The following GPC6 variants were observed in gnomAD, a reference collection of about 807,000 sequenced individuals.
The protein encoded by GPC6 is glypican 6.
GPC6 carries 14 observed loss-of-function variants against 55.2 expected under a neutral mutation model. The observed-to-expected ratio is 0.25, with a 90% CI of 0.17 to 0.40. The LOEUF (loss-of-function observed/expected upper bound fraction) is 0.40, where lower values mean the gene tolerates loss of function less well. GPC6 is among the 10% of genes least tolerant of loss of function. The pLI, the probability that GPC6 is intolerant of heterozygous loss-of-function variation, is 1.00. For synonymous variants in GPC6, 278 were observed against 259.6 expected, an observed-to-expected ratio of 1.07 and a Z score of -0.68; for missense variants, 641 against 708.5, an observed-to-expected ratio of 0.90 and a Z score of 1.08.
At chr13:93,438,673 A>ATAGAT (rs1877663464) in intron 1 of GPC6, among the ~76,000 whole-genome samples, 1 of 152,190 alleles carries the variant, frequency 6.6e-6, no homozygotes, top group Non-Finnish European at 1.5e-5. Context: ...TTGAGATGGA[A>ATAGAT]TCTACTTCTA....
chr13:93,460,546 TCATAA>T (rs1878638891), intron 1 of GPC6, among the ~76,000 whole-genome samples: 1 of 151,824 alleles, frequency 6.6e-6, no homozygotes, highest in African/African-American at 2.4e-5. Context: ...TGATGAAATA[TCATAA>T]CATAGCACTA....
chr13:94,390,368 A>C (rs1224206717), intron 7 of GPC6, among the ~76,000 whole-genome samples: 4 of 152,224 alleles, frequency 2.6e-5, no homozygotes, highest in African/African-American at 9.6e-5. Flanking sequence ...ATCCGTTCTC[A>C]CACTGCTATA....
At chr13:93,789,842 T>C (rs961395932) in intron 2 of GPC6, among the ~76,000 whole-genome samples, 1 of 150,078 alleles carries the variant, frequency 6.7e-6, no homozygotes, top group Non-Finnish European at 1.5e-5. Context: ...CAAGTGAGAG[T>C]TTGGGTTGTG....
At chr13:93,242,086 C>A (rs923873922) in intron 1 of GPC6, among the ~76,000 whole-genome samples, 1 of 152,022 alleles carries the variant, frequency 6.6e-6, no homozygotes, top group Non-Finnish European at 1.5e-5. Context: ...ACTTTTTTCC[C>A]CAGTATTTTT....
At chr13:94,379,710 G>A (rs150707846) in intron 6 of GPC6, among the ~76,000 whole-genome samples, 10 of 152,254 alleles carry the variant, frequency 6.6e-5, no homozygotes, top group African/African-American at 2.4e-4. Flanking sequence ...TGGTTTACCT[G>A]GGACGTTCCC....
intron 1 of GPC6, among the ~76,000 whole-genome samples, chr13:93,344,753 G>A (rs1880373424): frequency 6.6e-6 from 1 of 152,202 alleles, no homozygotes; most frequent in Non-Finnish European, 1.5e-5. Context: ...GGGACTTTGA[G>A]ATGAATGAGT....
rs1467572246 is a variant in GPC6, at chr13:93,227,155, A to AT, written c.-302_-301insT. ...CTCTGAACCCCCATGGTGGTTTTTT[A>AT]AACACTTCTTTTCCTTCTCTTCCTC... On this transcript the variant is annotated 5_prime_UTR_variant, in exon 1 of 9. The change abolishes the stop of an existing upstream ORF in the 5' untranslated region. Coordinates refer to ENST00000377047, the MANE Select transcript of GPC6 (RefSeq NM_005708.5). This position sits in a 1 kb window ranked among gnomAD's most constrained non-coding sequence, Gnocchi z 4.3. 7.8e-6 allele frequency: 2 copies of AT among 255,952 alleles called. No homozygotes were observed. The highest frequency in any genetic ancestry group is 1.4e-4 in the East Asian group (2 of 14,046). 15.9% of individuals were successfully genotyped at this position (255,952 alleles called of 1,614,324 possible).
Position 94,406,213 on chromosome 13 carries a change from T to C in GPC6, c.*2996T>C, listed in dbSNP as rs774074648. Reference sequence around the variant, plus strand: ...ATTTACATGTTCTTTAGTTATAATATGTATTTTTCTAACAGAAATACACGT... The same window carrying C: ...ATTTACATGTTCTTTAGTTATAATACGTATTTTTCTAACAGAAATACACGT... On this transcript the variant is annotated 3_prime_UTR_variant, in exon 9 of 9. Transcript: ENST00000377047. The C allele has an allele frequency of 1.3e-5, 2 of 152,174 alleles. No homozygotes were observed. The highest frequency in any genetic ancestry group is 4.8e-5 in the African/African-American group (2 of 41,448). The allele number at this position is 152,174 out of a possible 1,614,324, so 9.4% of individuals were successfully genotyped here.
intron 6 of GPC6, among the ~76,000 whole-genome samples, chr13:94,318,997 C>T (rs1876683806): frequency 1.3e-5 from 2 of 152,086 alleles, no homozygotes; most frequent in African/African-American, 2.4e-5. Context: ...ATAAACATCA[C>T]ATAGCTAGAT....
intron 1 of GPC6, among the ~76,000 whole-genome samples, chr13:93,270,024 G>A (rs1397658143): frequency 6.6e-6 from 1 of 151,864 alleles, no homozygotes; most frequent in Non-Finnish European, 1.5e-5. Flanking sequence ...GTCTTTGGGA[G>A]GCTGAGGATT....
chr13:93,895,386 C>T (rs1054185591), intron 3 of GPC6, among the ~76,000 whole-genome samples: 4 of 150,986 alleles, frequency 2.6e-5, no homozygotes, highest in Non-Finnish European at 4.4e-5. Flanking sequence ...GAAATAGAGG[C>T]ACATTACAAA....
intron 1 of GPC6, among the ~76,000 whole-genome samples, chr13:93,335,526 A>T (rs1227718869): frequency 6.6e-6 from 1 of 152,216 alleles, no homozygotes; most frequent in African/African-American, 2.4e-5. Flanking sequence ...AGGTTTATTG[A>T]ACTCAGAATC....
intron 3 of GPC6, among the ~76,000 whole-genome samples, chr13:93,847,675 A>G (rs561449816): frequency 3.3e-5 from 5 of 152,194 alleles, no homozygotes; most frequent in Non-Finnish European, 7.3e-5. Flanking sequence ...CTCCATGAGG[A>G]AGGATCTTCT....
At chr13:93,768,161 A>T (rs1215848506) in intron 2 of GPC6, among the ~76,000 whole-genome samples, 1 of 152,154 alleles carries the variant, frequency 6.6e-6, no homozygotes, top group Non-Finnish European at 1.5e-5. Flanking sequence ...GAGACAGATG[A>T]ACTCAGGACT....
intron 1 of GPC6, among the ~76,000 whole-genome samples, chr13:93,439,406 A>G (rs1173843534): frequency 6.6e-6 from 1 of 152,094 alleles, no homozygotes; most frequent in Admixed American, 6.5e-5. Context: ...GTCTCATAAG[A>G]TTTGATGATT....
At chr13:93,563,313 A>G (rs796244715) in intron 2 of GPC6, among the ~76,000 whole-genome samples, 12 of 152,276 alleles carry the variant, frequency 7.9e-5, no homozygotes, top group African/African-American at 2.9e-4. Context: ...GGAAAACAGT[A>G]TTTGGGAGAT....
chr13:93,980,451 G>A (rs1176428528), intron 3 of GPC6, among the ~76,000 whole-genome samples: 2 of 152,112 alleles, frequency 1.3e-5, no homozygotes, highest in Admixed American at 6.5e-5. Flanking sequence ...CCTAAAAGGA[G>A]CCCAGAAAGA....
rs565421409 is a variant in GPC6 at position 93,364,141 on chromosome 13, T to G, written c.160+136525T>G. Among the ~76,000 whole-genome samples, 150 of 152,282 alleles carry G rather than the reference T, an allele frequency of 9.9e-4. No individual in the cohort carries two copies. In the Middle Eastern group the frequency reaches 0.014, roughly 14 times the overall value. On this transcript the variant is annotated intron_variant, in intron 1 of 8. Coordinates refer to ENST00000377047, the MANE Select transcript of GPC6 (RefSeq NM_005708.5). ...CTGTGCAGAAGCTCTTTAGTTTATT[T>G]AGATCCCATTTGTCAATTTTGGCTT... is the stretch of plus-strand genomic sequence containing the variant.
At chr13:94,049,742 T>C (rs1032746783) in intron 4 of GPC6, among the ~76,000 whole-genome samples, 3 of 152,152 alleles carry the variant, frequency 2.0e-5, no homozygotes, top group East Asian at 1.9e-4. Context: ...GGAGCTCCTC[T>C]CTTTAATTTA....
Sources: allele counts gnomAD v4.1 joint callset (sites outside exome capture counted in the v4.1 genomes callset), GRCh38; gene constraint gnomAD v4.1.1; non-coding constraint Gnocchi (gnomAD v3.1); transcripts MANE v1.5; gene names NCBI Gene and HGNC (gene_info 2026-07-23, HGNC 2026-07-21).